The following SORCS3 variants were observed in gnomAD, a reference collection of about 807,000 sequenced individuals.
SORCS3 encodes sortilin related VPS10 domain containing receptor 3.
A neutral mutation model predicts 146.3 loss-of-function variants in SORCS3; 57 were observed. The ratio of observed to expected loss-of-function variants is 0.39; its 90% CI spans 0.31 to 0.49. The LOEUF is 0.49. Ranked by LOEUF, SORCS3 falls within the 20% of genes least tolerant of loss-of-function variation. The pLI, the probability that SORCS3 is intolerant of heterozygous loss-of-function variation, is 0.92. For synonymous variants in SORCS3, 653 were observed against 618.5 expected (o/e 1.06, Z -0.83); for missense variants, 1,341 against 1,575.5 (o/e 0.85, Z 2.52).
chr10:104,757,099 T>C (rs2017062711), intron 1 of SORCS3, among the ~76,000 whole-genome samples: 1 of 146,514 alleles, frequency 6.8e-6, no homozygotes, highest in East Asian at 2.0e-4. Context: ...TTTAGCCAAT[T>C]ATAGCTCACA....
At chr10:105,247,409 A>G (rs1016664676) in intron 22 of SORCS3, 78 bp downstream of exon 22, 1 of 754,776 alleles carries the variant, frequency 1.3e-6, no homozygotes, top group African/African-American at 1.8e-5. Context: ...ATACATTGGC[A>G]TGGATTGAAA....
chr10:105,153,499 A>G (rs1447766688), intron 9 of SORCS3, among the ~76,000 whole-genome samples: 1 of 152,212 alleles, frequency 6.6e-6, no homozygotes, highest in Non-Finnish European at 1.5e-5. Flanking sequence ...GTATATGTTT[A>G]TAAGAAGCCA....
intron 21 of SORCS3, among the ~76,000 whole-genome samples, chr10:105,246,648 T>C (rs1305002731): frequency 6.6e-6 from 1 of 152,236 alleles, no homozygotes; most frequent in African/African-American, 2.4e-5. Context: ...TGTGTGTTTC[T>C]TTCAAAGTAA....
chr10:105,011,925 A>G (rs1338109968), intron 4 of SORCS3, among the ~76,000 whole-genome samples: 3 of 152,218 alleles, frequency 2.0e-5, no homozygotes, highest in African/African-American at 4.8e-5. Context: ...GCCTAACAAC[A>G]TATATTGTTA....
intron 8 of SORCS3, among the ~76,000 whole-genome samples, chr10:105,141,032 T>A (rs938490559): frequency 6.6e-5 from 10 of 152,188 alleles, no homozygotes; most frequent in Admixed American, 6.5e-5. Context: ...GCCTAGGAAA[T>A]GAGTTTAGGG....
intron 1 of SORCS3, among the ~76,000 whole-genome samples, chr10:104,800,379 C>T (rs967837709): frequency 3.3e-5 from 5 of 152,134 alleles, no homozygotes; most frequent in African/African-American, 1.2e-4. Flanking sequence ...GGCAGTGAAA[C>T]TATTCTGTAC....
chr10:105,184,056 A>G (rs1203677894), intron 14 of SORCS3, among the ~76,000 whole-genome samples: 1 of 152,194 alleles, frequency 6.6e-6, no homozygotes, highest in Non-Finnish European at 1.5e-5. Flanking sequence ...AGAACATTGG[A>G]CATGTTGGTA....
intron 6 of SORCS3, among the ~76,000 whole-genome samples, chr10:105,101,725 A>G (rs182565420): frequency 3.9e-5 from 6 of 152,280 alleles, no homozygotes; most frequent in African/African-American, 1.4e-4. Flanking sequence ...AGTGAATAGT[A>G]AATAGCCAGA....
chr10:105,194,834 A>C (rs907170868), intron 14 of SORCS3, among the ~76,000 whole-genome samples: 3 of 152,176 alleles, frequency 2.0e-5, no homozygotes, highest in Admixed American at 6.6e-5. Context: ...TGGGGCCAGC[A>C]ACATCAGCAT....
At chr10:104,982,971 G>A (rs1452045194) in intron 4 of SORCS3, among the ~76,000 whole-genome samples, 1 of 152,100 alleles carries the variant, frequency 6.6e-6, no homozygotes, top group Non-Finnish European at 1.5e-5. Context: ...GGCTCTGGTG[G>A]CCTGTGTCAC....
chr10:105,157,167 A>G lies in SORCS3; in HGVS notation c.1512A>G (p.Ala504=). 6.2e-7 allele frequency: 1 copy of G among 1,614,030 alleles called. No homozygotes were observed. Among genetic ancestry groups the G allele is most frequent in the Non-Finnish European group, 8.5e-7 (1 of 1,179,940 alleles). The change falls in exon 10 of 27, where the codon GCA becomes GCG. Residue 504 remains alanine, a synonymous_variant. Transcript: ENST00000369701. ...CAGGTATCAAAGGGATATTTCTGGCAAACAAGAAGGTGGACGACCAGGTGA... is the reference window on the plus strand; with the variant it reads ...CAGGTATCAAAGGGATATTTCTGGCGAACAAGAAGGTGGACGACCAGGTGA... The part of the protein sequence containing the change: ...EVAGIKGIFL[A]NKKVDDQVKT...
chr10:104,831,995 TA>T (rs1454874755), intron 1 of SORCS3, among the ~76,000 whole-genome samples: 1 of 152,218 alleles, frequency 6.6e-6, no homozygotes, highest in African/African-American at 2.4e-5. Context: ...TCATTTCTGT[TA>T]CTAGTCCTGA....
chr10:105,216,098 A>G (rs1395986740), intron 18 of SORCS3, among the ~76,000 whole-genome samples: 1 of 152,140 alleles, frequency 6.6e-6, no homozygotes, highest in East Asian at 1.9e-4. Context: ...GTTACCAGGT[A>G]GTACACAGAG....
chr10:105,025,316 G>T (rs2055221396), intron 4 of SORCS3, among the ~76,000 whole-genome samples: 1 of 152,140 alleles, frequency 6.6e-6, no homozygotes, highest in African/African-American at 2.4e-5. Context: ...GAATGAATAT[G>T]GGGAGGAGAG....
chr10:104,831,881 G>T (rs982945396), intron 1 of SORCS3, among the ~76,000 whole-genome samples: 1 of 152,180 alleles, frequency 6.6e-6, no homozygotes, highest in Admixed American at 6.5e-5. Context: ...AGGGAATCCT[G>T]CATTCTCACT....
intron 20 of SORCS3, among the ~76,000 whole-genome samples, chr10:105,225,797 T>G (rs942443097): frequency 6.6e-6 from 1 of 152,056 alleles, no homozygotes; most frequent in Non-Finnish European, 1.5e-5. Context: ...TGTACACATT[T>G]TGTTAAATTT....
intron 2 of SORCS3, among the ~76,000 whole-genome samples, chr10:104,843,690 G>C (rs1035988891): frequency 6.6e-6 from 1 of 152,316 alleles, no homozygotes; most frequent in East Asian, 1.9e-4. Flanking sequence ...GGGAATGCCC[G>C]TGTGTTACAC....
At chr10:104,804,199 A>G (rs1453437893) in intron 1 of SORCS3, among the ~76,000 whole-genome samples, 2 of 152,248 alleles carry the variant, frequency 1.3e-5, no homozygotes, top group African/African-American at 4.8e-5. Flanking sequence ...CATCTCTAGA[A>G]TGCGAATTTT....
At chr10:105,015,896 A>C (rs1351490036) in intron 4 of SORCS3, among the ~76,000 whole-genome samples, 3 of 150,592 alleles carry the variant, frequency 2.0e-5, no homozygotes, top group Non-Finnish European at 4.4e-5. Flanking sequence ...TGCCTGGCTA[A>C]TTTTTATGTT....
Sources: allele counts gnomAD v4.1 joint callset (sites outside exome capture counted in the v4.1 genomes callset), GRCh38; gene constraint gnomAD v4.1.1; transcripts MANE v1.5; gene names NCBI Gene and HGNC (gene_info 2026-07-23, HGNC 2026-07-21).